RALGPS1: variants seen among roughly 807,000 people sequenced by gnomAD.
The protein encoded by RALGPS1 is ras-specific guanine nucleotide-releasing factor RalGPS1.
Under a neutral mutation model 78.8 loss-of-function variants are expected in RALGPS1, and 19 were observed. The ratio of observed to expected loss-of-function variants is 0.24; its 90% CI spans 0.17 to 0.35. The LOEUF (loss-of-function observed/expected upper bound fraction) is 0.35, where lower values mean the gene tolerates loss of function less well. Among genes scored for constraint, RALGPS1 ranks in the 10% least tolerant of loss-of-function variants. The probability of loss-of-function intolerance (pLI) is 1.00; values close to 1 mark genes in which losing one functional copy is unlikely to be tolerated. For missense variants in RALGPS1, 454 were observed against 688.3 expected, an observed-to-expected ratio of 0.66 and a Z score of 3.81; for synonymous variants, 228 against 256.3, an observed-to-expected ratio of 0.89 and a Z score of 1.06.
chr9:127,158,181 T>A (rs1393838362), intron 8 of RALGPS1, among the ~76,000 whole-genome samples: 1 of 152,126 alleles, frequency 6.6e-6, no homozygotes, highest in East Asian at 1.9e-4. Flanking sequence ...GTTTTTCTTT[T>A]ACGGTTTTAT....
chr9:126,925,991 G>A (rs1184612754), intron 1 of RALGPS1, among the ~76,000 whole-genome samples: 1 of 152,220 alleles, frequency 6.6e-6, no homozygotes, highest in African/African-American at 2.4e-5. Flanking sequence ...TCATGTTCTG[G>A]TCATGGCCTT....
intron 14 of RALGPS1, among the ~76,000 whole-genome samples, chr9:127,203,229 T>A (rs1216195245): frequency 6.6e-6 from 1 of 152,248 alleles, no homozygotes; most frequent in African/African-American, 2.4e-5. Context: ...ATTTCTGGTC[T>A]CCAGGTTTAT....
intron 2 of RALGPS1, among the ~76,000 whole-genome samples, chr9:126,963,430 T>G (rs1256087697): frequency 6.6e-6 from 1 of 152,224 alleles, no homozygotes; most frequent in East Asian, 1.9e-4. Flanking sequence ...ACATATATGC[T>G]GTGTATATGT....
intron 8 of RALGPS1, among the ~76,000 whole-genome samples, chr9:127,134,769 G>A (rs993389545): frequency 1.3e-5 from 2 of 152,190 alleles, no homozygotes; most frequent in African/African-American, 4.8e-5. Context: ...AAAAATAAAT[G>A]TCTTACCCCT....
At chr9:126,996,016 A>G (rs1235520556) in intron 4 of RALGPS1, among the ~76,000 whole-genome samples, 3 of 152,138 alleles carry the variant, frequency 2.0e-5, no homozygotes, top group Non-Finnish European at 4.4e-5. Context: ...AGAATCTCTG[A>G]GACACATTCA....
At chr9:127,116,966 T>C (rs1002314499) in intron 8 of RALGPS1, among the ~76,000 whole-genome samples, 3 of 152,194 alleles carry the variant, frequency 2.0e-5, no homozygotes, top group African/African-American at 4.8e-5. Flanking sequence ...TTGGCCTCCC[T>C]GCCTTTGGGT....
At chr9:127,195,000 CG>C in intron 11 of RALGPS1, 90 bp from the exon 12 acceptor site, 4 of 1,504,746 alleles carry the variant, frequency 2.7e-6, no homozygotes, top group Non-Finnish European at 3.6e-6. Flanking sequence ...ACTTCAAACC[CG>C]GGGCCCACCT....
rs1265631411 is a variant in RALGPS1, at chr9:127,196,500, A to G, written c.1064A>G (p.Glu355Gly). ...ATGATGTGTCAGTTGAGTGTAGTTG[A>G]GAGTAAAAGTGCGACATTCCCATCG... ...NNMMCQLSVVESKSATFPSEK... is the reference protein window; with the variant it reads ...NNMMCQLSVVGSKSATFPSEK... Residue 355 changes from glutamate to glycine, a missense_variant, in exon 13 of 19, where the codon GAG becomes GGG. By Grantham distance (98) the Glu-to-Gly change is moderately conservative (BLOSUM62 -2). Coordinates refer to ENST00000259351, the MANE Select transcript of RALGPS1 (RefSeq NM_014636.3). 8 of 1,613,890 alleles carry G rather than the reference A, an allele frequency of 5.0e-6. No homozygotes were observed. In the South Asian group the frequency reaches 8.8e-5, roughly 18 times the overall value.
intron 11 of RALGPS1, among the ~76,000 whole-genome samples, chr9:127,188,997 C>CAAA (rs543909572): frequency 1.6e-4 from 9 of 56,816 alleles, no homozygotes; most frequent in African/African-American, 3.7e-4. Flanking sequence ...AAGACTGTCT[C>CAAA]AAAAAAAAAA....
At chr9:127,102,778 A>C (rs1385946592) in intron 8 of RALGPS1, among the ~76,000 whole-genome samples, 2 of 152,334 alleles carry the variant, frequency 1.3e-5, no homozygotes, top group African/African-American at 4.8e-5. Flanking sequence ...GATTTTGTTT[A>C]GGAAGAAGCT....
At chr9:127,197,496 G>T (rs1005968802) in intron 13 of RALGPS1, among the ~76,000 whole-genome samples, 8 of 129,176 alleles carry the variant, frequency 6.2e-5, no homozygotes, top group South Asian at 6.2e-4. Context: ...AGGGCCCAGA[G>T]CATGGGGGTG....
At chr9:127,041,185 G>T (rs566951586) in intron 5 of RALGPS1, among the ~76,000 whole-genome samples, 1 of 152,056 alleles carries the variant, frequency 6.6e-6, no homozygotes, top group Admixed American at 6.5e-5. Flanking sequence ...TCCGCCTCCT[G>T]GATTTAAGCG....
At chr9:127,156,807 C>T (rs2058728681) in intron 8 of RALGPS1, among the ~76,000 whole-genome samples, 1 of 151,886 alleles carries the variant, frequency 6.6e-6, no homozygotes, top group East Asian at 1.9e-4. Flanking sequence ...CCTTTGCGTA[C>T]CTCAGCATTA....
At chr9:127,140,742 C>T (rs2057715517) in intron 8 of RALGPS1, among the ~76,000 whole-genome samples, 1 of 152,146 alleles carries the variant, frequency 6.6e-6, no homozygotes, top group South Asian at 2.1e-4. Flanking sequence ...TTTAACCTCC[C>T]CCCAAAAAAA....
intron 5 of RALGPS1, among the ~76,000 whole-genome samples, chr9:127,045,063 G>T (rs1177085504): frequency 2.0e-5 from 3 of 152,158 alleles, no homozygotes; most frequent in Non-Finnish European, 4.4e-5. Flanking sequence ...GGGCTGAATA[G>T]GTGAAGCCTG....
Position 127,132,671 on chromosome 9 carries a change from C to T in RALGPS1, c.611-33398C>T, listed in dbSNP as rs2057089882. Among the ~76,000 whole-genome samples, 5 of 152,356 alleles carry T rather than the reference C, an allele frequency of 3.3e-5. No homozygotes were observed. In the South Asian group the frequency reaches 6.2e-4, roughly 19 times the overall value. On this transcript the variant is annotated intron_variant, in intron 8 of 18. Transcript: ENST00000259351. ...GAGGGACCTGGGTTTGAACCCTGGG[C>T]CTGCCCTTCCCAGCTGAATGGCCCT...
chr9:126,974,093 C>G (rs768160289), intron 3 of RALGPS1, among the ~76,000 whole-genome samples: 4 of 152,120 alleles, frequency 2.6e-5, no homozygotes, highest in Non-Finnish European at 4.4e-5. Context: ...AGGGTGGTCT[C>G]GAACTCCTGA....
intron 8 of RALGPS1, among the ~76,000 whole-genome samples, chr9:127,105,583 G>A (rs1385316771): frequency 6.6e-6 from 1 of 152,176 alleles, no homozygotes; most frequent in African/African-American, 2.4e-5. Context: ...AATTAGTCAT[G>A]CCACCTTACT....
chr9:127,170,218 A>T (rs994272909), intron 10 of RALGPS1, among the ~76,000 whole-genome samples: 1 of 152,064 alleles, frequency 6.6e-6, no homozygotes, highest in Admixed American at 6.5e-5. Context: ...CCCTAAGGGG[A>T]ACGGATGTTC....
Sources: gnomAD v4.1 joint callset for allele counts (sites outside exome capture counted in the v4.1 genomes callset) on GRCh38, gnomAD v4.1.1 for gene constraint, MANE v1.5 for transcripts, NCBI Gene and HGNC (gene_info 2026-07-23, HGNC 2026-07-21) for gene names.